The following SYCE2 variants were observed in gnomAD, a reference collection of about 807,000 sequenced individuals.
SYCE2 encodes synaptonemal complex central element protein 2.
Under a neutral mutation model 27.9 loss-of-function variants are expected in SYCE2, and 3 were observed. The observed-to-expected ratio is 0.11, with a 90% CI of 0.05 to 0.28. The LOEUF (loss-of-function observed/expected upper bound fraction) is 0.28, where lower values mean the gene tolerates loss of function less well. SYCE2 is among the 10% of genes least tolerant of loss of function. The pLI is 1.00. For synonymous variants in SYCE2, 85 were observed against 100.7 expected (o/e 0.84, Z 0.93); for missense variants, 207 against 263.5 (o/e 0.79, Z 1.48).
Position 12,919,243 on chromosome 19 carries a change from T to G in SYCE2, c.15A>C (p.Gly5=), listed in dbSNP as rs761621925. 1.4e-5 allele frequency: 23 copies of G among 1,611,190 alleles called. No homozygotes were observed. The Admixed American group carries it at 3.7e-4, about 26-fold the overall frequency. ...CGAGAAGGAAACAAGCGCCGCGTAC[T>G]CCCTGTCGCTCCATTCCGTATTTTC... The part of the protein sequence containing the change: MERQ[G]VDVPHVKCKD... The change falls in exon 1 of 6, where the codon GGA becomes GGC. Residue 5 remains glycine, a splice_region_variant and synonymous_variant. Coordinates refer to ENST00000293695, the MANE Select transcript of SYCE2 (RefSeq NM_001105578.2).
In SYCE2 at chr19:12,900,536, C is replaced by G. The variant is rs773734546; in HGVS notation, c.419G>C (p.Ser140Thr). 6.2e-7 allele frequency: 1 copy of G among 1,614,188 alleles called. No homozygotes were observed. The highest frequency in any genetic ancestry group is 8.5e-7 in the Non-Finnish European group (1 of 1,180,046). ...QEFTQKMAKI[S>T]HLETELKQVC... ...TTGTTTGAGCTCTGTCTCCAAATGGCTGATCTTTGCCATTTTCTGGGTGAA... is the reference window on the plus strand; with the variant it reads ...TTGTTTGAGCTCTGTCTCCAAATGGGTGATCTTTGCCATTTTCTGGGTGAA... Residue 140 changes from serine to threonine, a missense_variant, in exon 4 of 6, where the codon AGC becomes ACC. Transcript: ENST00000293695.
chr19:12,903,718 C>T (rs1393534701), intron 3 of SYCE2, among the ~76,000 whole-genome samples: 2 of 152,130 alleles, frequency 1.3e-5, no homozygotes, highest in African/African-American at 2.4e-5. Context: ...AAATCTTGCT[C>T]TCTAGCCCAG....
At chr19:12,900,835 G>A (rs1264937649) in intron 3 of SYCE2, among the ~76,000 whole-genome samples, 187 bp from the exon 4 acceptor site, 2 of 152,118 alleles carry the variant, frequency 1.3e-5, no homozygotes, top group African/African-American at 4.8e-5. Context: ...CTTGAGGCCA[G>A]GAGTTCAAGA....
chr19:12,904,032 G>A (rs770701770), intron 3 of SYCE2, among the ~76,000 whole-genome samples: 3 of 152,146 alleles, frequency 2.0e-5, no homozygotes, highest in Admixed American at 6.5e-5. Flanking sequence ...CCATTCGATG[G>A]CTTCTGCAGG....
At chr19:12,908,342 T>G (rs974211623) in intron 2 of SYCE2, among the ~76,000 whole-genome samples, 1 of 150,328 alleles carries the variant, frequency 6.7e-6, no homozygotes, top group Non-Finnish European at 1.5e-5. Flanking sequence ...TCTTTTCTTT[T>G]GAGACAGAGT....
rs1366233893 is a variant in SYCE2, at chr19:12,919,240, T to C, written c.15+3A>G. The C allele has an allele frequency of 1.2e-6, 2 of 1,611,346 alleles. No individual in the cohort carries two copies. The highest frequency in any genetic ancestry group is 2.7e-5 in the African/African-American group (2 of 75,050). On this transcript the variant is annotated splice_donor_region_variant and intron_variant, in intron 1 of 5. Transcript: ENST00000293695. ...GCGCGAGAAGGAAACAAGCGCCGCG[T>C]ACTCCCTGTCGCTCCATTCCGTATT...
chr19:12,913,682 A>T (rs1766329447), intron 2 of SYCE2, among the ~76,000 whole-genome samples: 1 of 152,098 alleles, frequency 6.6e-6, no homozygotes, highest in African/African-American at 2.4e-5. Flanking sequence ...ACTGGTTTTA[A>T]TCTATCTGTT....
At chr19:12,901,683 T>C (rs908939923) in intron 3 of SYCE2, among the ~76,000 whole-genome samples, 2 of 152,146 alleles carry the variant, frequency 1.3e-5, no homozygotes, top group African/African-American at 4.8e-5. Context: ...TGGCATGATC[T>C]TGGCTCACTG....
chr19:12,914,982 G>C (rs73505341), intron 2 of SYCE2, among the ~76,000 whole-genome samples: 5,546 of 152,304 alleles, frequency 0.036, 360 homozygotes, highest in African/African-American at 0.13. Context: ...TCCTAGGTAT[G>C]AGTATGCCCA....
rs1267758724 is a variant in SYCE2 at position 12,905,171 on chromosome 19, G to A, written c.132-505C>T. ...CACACACGCCCTGAATGATGAGAATGGCACCCCCATTTTATAGCTGAGAAA... is the reference window on the plus strand; with the variant it reads ...CACACACGCCCTGAATGATGAGAATAGCACCCCCATTTTATAGCTGAGAAA... On this transcript the variant is annotated intron_variant, in intron 2 of 5. Coordinates refer to ENST00000293695, the MANE Select transcript of SYCE2 (RefSeq NM_001105578.2). 3.3e-5 allele frequency among the ~76,000 whole-genome samples: 5 copies of A among 152,044 alleles called. No homozygotes were observed. The East Asian group carries it at 5.8e-4, about 18-fold the overall frequency.
intron 3 of SYCE2, 61 bp from the exon 4 acceptor site, chr19:12,900,709 G>T: frequency 1.4e-6 from 2 of 1,447,732 alleles, no homozygotes; most frequent in Non-Finnish European, 1.9e-6. Context: ...AGACATCTGT[G>T]TTAAGTGGGT....
intron 3 of SYCE2, among the ~76,000 whole-genome samples, chr19:12,903,037 CA>C (rs767887340): frequency 2.4e-3 from 138 of 56,732 alleles, no homozygotes; most frequent in Non-Finnish European, 3.4e-3. Context: ...GACTCTGTCT[CA>C]AAAAAAAAAA....
rs749286672 is a variant in SYCE2 at position 12,900,587 on chromosome 19, T to C, written c.368A>G (p.Lys123Arg). 6 of 1,614,062 alleles carry C rather than the reference T, an allele frequency of 3.7e-6. No homozygotes were observed. In the South Asian group the frequency reaches 4.4e-5, roughly 12 times the overall value. The change falls in exon 4 of 6, where the codon AAG (lysine) becomes AGG (arginine). Residue 123 changes from lysine (K) to arginine (R), a missense_variant. Transcript: ENST00000293695. The part of the protein sequence containing the change: ...RIYQIYNDHN[K>R]IIQEKLQEFT... Reference sequence around the variant, plus strand: ...CTCTTGGAGCTTTTCCTGGATGATCTTGTTGTGGTCATTATAAATCTGATA... The same window carrying C: ...CTCTTGGAGCTTTTCCTGGATGATCCTGTTGTGGTCATTATAAATCTGATA...
At position 12,899,289 on chromosome 19, in the gene SYCE2, T is replaced by C. The variant is rs1245391097; in HGVS notation, c.*52A>G. The C allele has an allele frequency of 1.3e-6, 2 of 1,499,572 alleles. No individual in the cohort carries two copies. The highest frequency in any genetic ancestry group is 2.3e-5 in the East Asian group (1 of 44,296). The allele number at this position is 1,499,572 out of a possible 1,614,324, so 92.9% of individuals were successfully genotyped here. ...TCTCAGTGTGGCCCAAATGGTGGCC[T>C]CACAGTCTTCTCCTGGAGACTGTCA... On this transcript the variant is annotated 3_prime_UTR_variant, in exon 6 of 6. Coordinates refer to ENST00000293695, the MANE Select transcript of SYCE2 (RefSeq NM_001105578.2).
At chr19:12,900,317 T>C (rs1970808901) in intron 4 of SYCE2, 143 bp downstream of exon 4, 4 of 1,086,502 alleles carry the variant, frequency 3.7e-6, no homozygotes, top group Non-Finnish European at 5.2e-6. Context: ...ACAAACAAGA[T>C]GGTGAGTGCA....
intron 3 of SYCE2, among the ~76,000 whole-genome samples, chr19:12,903,442 T>G (rs1278107511): frequency 2.9e-4 from 43 of 146,744 alleles, no homozygotes; most frequent in Non-Finnish European, 5.1e-4. Flanking sequence ...CAGGCTGGAG[T>G]GCAGTGGTGC....
At chr19:12,913,196 TCTAAGA>T (rs1193879681) in intron 2 of SYCE2, among the ~76,000 whole-genome samples, 2 of 152,178 alleles carry the variant, frequency 1.3e-5, no homozygotes, top group Non-Finnish European at 2.9e-5. Context: ...GGTCTGTCCT[TCTAAGA>T]AGTCCCTAAT....
At chr19:12,899,902 G>A (rs1332114910) in intron 5 of SYCE2, 102 bp downstream of exon 5, 15 of 1,604,772 alleles carry the variant, frequency 9.3e-6, no homozygotes, top group Non-Finnish European at 1.2e-5. Context: ...CTCCCATCTG[G>A]GGGTAGTGCC....
chr19:12,916,786 T>A (rs1599643979), intron 2 of SYCE2, among the ~76,000 whole-genome samples: 2 of 149,460 alleles, frequency 1.3e-5, no homozygotes, highest in African/African-American at 5.1e-5. Flanking sequence ...TTTCTTTCTT[T>A]CTTTTTTTTC....
Sources: gnomAD v4.1 joint callset for allele counts (sites outside exome capture counted in the v4.1 genomes callset) on GRCh38, gnomAD v4.1.1 for gene constraint, MANE v1.5 for transcripts, NCBI Gene and HGNC (gene_info 2026-07-23, HGNC 2026-07-21) for gene names.